The following BABAM2 variants were observed in gnomAD, a reference collection of about 807,000 sequenced individuals.
BABAM2 encodes the protein BRISC and BRCA1-A complex member 2.
Under a neutral mutation model 54.7 loss-of-function variants are expected in BABAM2, and 31 were observed. The ratio of observed to expected loss-of-function variants is 0.57; its 90% CI spans 0.43 to 0.77. BABAM2 has a LOEUF of 0.77. Ranked by LOEUF, BABAM2 falls within the 30% of genes least tolerant of loss-of-function variation. The pLI is 0.00. For synonymous variants in BABAM2, 167 were observed against 162.9 expected (o/e 1.03, Z -0.19); for missense variants, 364 against 455.8 (o/e 0.80, Z 1.83).
At chr2:28,271,873 T>C (rs995276210) in intron 10 of BABAM2, among the ~76,000 whole-genome samples, 1 of 152,240 alleles carries the variant, frequency 6.6e-6, no homozygotes. Context: ...TACCAATCAG[T>C]AATGTTTAAT....
intron 6 of BABAM2, among the ~76,000 whole-genome samples, chr2:28,106,457 A>C (rs1016532285): frequency 3.3e-5 from 5 of 152,212 alleles, no homozygotes; most frequent in African/African-American, 7.2e-5. Context: ...CTAGTGTGTA[A>C]TAGTTCCTCA....
chr2:28,034,500 T>G (rs1229393844), intron 5 of BABAM2, among the ~76,000 whole-genome samples: 2 of 152,210 alleles, frequency 1.3e-5, no homozygotes, highest in Non-Finnish European at 2.9e-5. Flanking sequence ...CTTCAATGAT[T>G]GTTCCTGTAG....
chr2:28,097,241 G>A (rs532090995), intron 6 of BABAM2, among the ~76,000 whole-genome samples: 1 of 152,278 alleles, frequency 6.6e-6, no homozygotes, highest in East Asian at 1.9e-4. Flanking sequence ...ACCAGAGTAT[G>A]TAGAAAGTGA....
chr2:28,275,340 G>C (rs1481775618), intron 10 of BABAM2, among the ~76,000 whole-genome samples: 1 of 152,238 alleles, frequency 6.6e-6, no homozygotes, highest in Non-Finnish European at 1.5e-5. Context: ...ACTGAGGCTA[G>C]AGTGTGGATT....
intron 6 of BABAM2, 97 bp from the exon 7 acceptor site, chr2:28,129,174 C>A: frequency 8.8e-7 from 1 of 1,138,158 alleles, no homozygotes; most frequent in Admixed American, 1.8e-5. Context: ...AAGGGTAACT[C>A]ACAGTCATGG....
At chr2:28,259,892 C>A (rs1004992173) in intron 10 of BABAM2, among the ~76,000 whole-genome samples, 1 of 139,218 alleles carries the variant, frequency 7.2e-6, no homozygotes, top group East Asian at 2.4e-4. Flanking sequence ...AAGTGTAAAT[C>A]TACTTCTGAA....
At chr2:27,889,837 A>G, upstream of BABAM2, 1 of 164,350 alleles carries the variant, frequency 6.1e-6, no homozygotes, top group Non-Finnish European at 1.3e-5. Flanking sequence ...TACGCTTGAC[A>G]AAACACTTTA....
At chr2:28,162,580 G>A (rs144975527) in intron 7 of BABAM2, among the ~76,000 whole-genome samples, 4 of 152,294 alleles carry the variant, frequency 2.6e-5, no homozygotes, top group East Asian at 1.9e-4. Context: ...CCTGCACCGG[G>A]CTTCTTCCTA....
chr2:28,311,841 G>A (rs966161396), intron 11 of BABAM2, among the ~76,000 whole-genome samples: 10 of 152,192 alleles, frequency 6.6e-5, no homozygotes, highest in African/African-American at 2.2e-4. Context: ...TTACTAAATG[G>A]AATTAAGTAC....
chr2:28,020,856 C>T lies in BABAM2; in HGVS notation c.301-4370C>T, dbSNP rs543989147. Among the ~76,000 whole-genome samples the T allele has an allele frequency of 5.9e-5, 9 of 151,826 alleles. No homozygotes were observed. In the South Asian group the frequency reaches 1.7e-3, roughly 28 times the overall value. On this transcript the variant is annotated intron_variant, in intron 4 of 11. Transcript: ENST00000379624. ...TGTATTTCTGTCTATAAAGTCCCCCCCGTTATTTTTAGTTATTTGCAGATT... is the reference window on the plus strand; with the variant it reads ...TGTATTTCTGTCTATAAAGTCCCCCTCGTTATTTTTAGTTATTTGCAGATT...
At chr2:27,989,164 C>G (rs72812545) in intron 4 of BABAM2, among the ~76,000 whole-genome samples, 11,925 of 151,730 alleles carry the variant, frequency 0.079, 795 homozygotes, top group African/African-American at 0.18. Flanking sequence ...CTGTGTGTTA[C>G]GTATTCACCC....
chr2:28,171,603 A>G (rs1674331119), intron 7 of BABAM2, among the ~76,000 whole-genome samples: 1 of 152,204 alleles, frequency 6.6e-6, no homozygotes, highest in Non-Finnish European at 1.5e-5. Context: ...TCTTGAAGAC[A>G]TGGGAAAGGA....
At chr2:28,170,765 A>G (rs1674231625) in intron 7 of BABAM2, among the ~76,000 whole-genome samples, 1 of 152,204 alleles carries the variant, frequency 6.6e-6, no homozygotes, top group Non-Finnish European at 1.5e-5. Flanking sequence ...GAGATTAAAC[A>G]AAGATTCATG....
chr2:28,181,027 C>T (rs1370059740), intron 7 of BABAM2, among the ~76,000 whole-genome samples: 3 of 152,144 alleles, frequency 2.0e-5, no homozygotes, highest in African/African-American at 7.2e-5. Context: ...TAAATTAGTA[C>T]AGCCATTGTG....
chr2:28,038,413 C>T (rs78514507), intron 5 of BABAM2, among the ~76,000 whole-genome samples: 7,525 of 152,156 alleles, frequency 0.049, 632 homozygotes, highest in African/African-American at 0.17. Context: ...AGGGGGTACA[C>T]GTACAGGGTT....
intron 11 of BABAM2, among the ~76,000 whole-genome samples, chr2:28,311,634 G>C (rs1689098013): frequency 6.6e-6 from 1 of 152,192 alleles, no homozygotes; most frequent in African/African-American, 2.4e-5. Context: ...CGTGATCATG[G>C]AAAAGACACG....
In BABAM2 at chr2:28,279,246, C is replaced by T. The variant is rs72857125; in HGVS notation, c.935-19092C>T. On this transcript the variant is annotated intron_variant, in intron 10 of 11. Transcript: ENST00000379624. ...TCTCTGCCACCACCAGGTGAATAGG[C>T]GGCTTGGGAGGTGAAGCCTAGAGTT... Among the ~76,000 whole-genome samples the T allele has an allele frequency of 9.9e-3, 1,501 of 152,192 alleles. 23 individuals are homozygous for T. Among genetic ancestry groups the T allele is most frequent in the African/African-American group, 0.034 (1,408 of 41,496 alleles).
chr2:28,239,383 G>T (rs563358048), intron 8 of BABAM2, among the ~76,000 whole-genome samples: 120 of 152,286 alleles, frequency 7.9e-4, no homozygotes, highest in African/African-American at 2.4e-3. Context: ...AATTTTGGGG[G>T]TCTCTCCTTC....
At chr2:28,264,654 C>G (rs1377672154) in intron 10 of BABAM2, among the ~76,000 whole-genome samples, 2 of 152,188 alleles carry the variant, frequency 1.3e-5, no homozygotes. Flanking sequence ...TGGGATGGTG[C>G]TTGAACACTG....
Sources: gnomAD v4.1 joint callset for allele counts (sites outside exome capture counted in the v4.1 genomes callset) on GRCh38, gnomAD v4.1.1 for gene constraint, MANE v1.5 for transcripts, NCBI Gene and HGNC (gene_info 2026-07-23, HGNC 2026-07-21) for gene names.